Variants in FHIT observed in about 807,000 individuals in gnomAD.
The protein encoded by FHIT is fragile histidine triad diadenosine triphosphatase, also known as bis(5'-adenosyl)-triphosphatase.
A neutral mutation model predicts 17.9 loss-of-function variants in FHIT; 19 were observed. The observed-to-expected ratio is 1.06, with a 90% confidence interval of 0.74 to 1.56. FHIT has a LOEUF of 1.56. Ranked by LOEUF, FHIT falls within the 40% of genes most tolerant of loss-of-function variation. The pLI is 0.00. For synonymous variants in FHIT, 81 were observed against 69.7 expected, an observed-to-expected ratio of 1.16 and a Z score of -0.81; for missense variants, 248 against 189.2, an observed-to-expected ratio of 1.31 and a Z score of -1.82.
At chr3:59,904,280 A>T (rs1198463075) in intron 8 of FHIT, among the ~76,000 whole-genome samples, 5 of 151,486 alleles carry the variant, frequency 3.3e-5, no homozygotes, top group Non-Finnish European at 7.4e-5. Flanking sequence ...AATTAAGCAC[A>T]AACTTGTGCC....
intron 3 of FHIT, among the ~76,000 whole-genome samples, chr3:60,926,230 C>A (rs1489674669): frequency 9.2e-5 from 14 of 152,214 alleles, no homozygotes; most frequent in African/African-American, 3.4e-4. Context: ...CAGAACTCTC[C>A]ACCCCAAATC....
chr3:60,782,790 C>A (rs907801377), intron 4 of FHIT, among the ~76,000 whole-genome samples: 5 of 152,138 alleles, frequency 3.3e-5, no homozygotes, highest in African/African-American at 9.7e-5. Flanking sequence ...TGAAGTCTTG[C>A]TCTCTGCTTC....
chr3:61,184,075 G>A (rs2038428786), intron 2 of FHIT, among the ~76,000 whole-genome samples: 1 of 152,056 alleles, frequency 6.6e-6, no homozygotes, highest in Non-Finnish European at 1.5e-5. Context: ...CACAGGAAGA[G>A]AAATCTGGGA....
chr3:60,019,953 A>G (rs1700492624), intron 5 of FHIT, among the ~76,000 whole-genome samples: 1 of 152,152 alleles, frequency 6.6e-6, no homozygotes, highest in Admixed American at 6.5e-5. Flanking sequence ...TCGACCACAG[A>G]ATTCTCTCCT....
intron 5 of FHIT, among the ~76,000 whole-genome samples, chr3:60,090,703 T>C (rs1006130773): frequency 1.3e-4 from 20 of 152,116 alleles, no homozygotes; most frequent in African/African-American, 3.6e-4. Flanking sequence ...GACATGAGTG[T>C]CTTTGATGGG....
intron 3 of FHIT, among the ~76,000 whole-genome samples, chr3:60,933,675 A>C (rs1708065414): frequency 1.3e-5 from 2 of 152,152 alleles, no homozygotes; most frequent in Admixed American, 6.5e-5. Flanking sequence ...AATTAGAAAA[A>C]CAAATTATTT....
At chr3:61,073,253 G>C (rs1246057495) in intron 2 of FHIT, among the ~76,000 whole-genome samples, 2 of 152,182 alleles carry the variant, frequency 1.3e-5, no homozygotes, top group African/African-American at 4.8e-5. Context: ...CTACTTGTAT[G>C]CATGGACTAC....
chr3:60,319,482 T>C (rs1284438764), intron 5 of FHIT, among the ~76,000 whole-genome samples: 1 of 150,078 alleles, frequency 6.7e-6, no homozygotes, highest in Non-Finnish European at 1.5e-5. Flanking sequence ...GAGTAGATGA[T>C]GGAACGGTAT....
At chr3:60,473,752 C>A (rs2033205358) in intron 5 of FHIT, among the ~76,000 whole-genome samples, 1 of 152,024 alleles carries the variant, frequency 6.6e-6, no homozygotes, top group South Asian at 2.1e-4. Flanking sequence ...AACCCCGTCT[C>A]TACTAAAATA....
chr3:60,546,124 G>A (rs2036351223), intron 4 of FHIT, among the ~76,000 whole-genome samples: 1 of 151,618 alleles, frequency 6.6e-6, no homozygotes, highest in Non-Finnish European at 1.5e-5. Flanking sequence ...AAATACTATA[G>A]CATCTTGTTT....
chr3:60,584,358 A>C (rs2037841184), intron 4 of FHIT, among the ~76,000 whole-genome samples: 1 of 151,988 alleles, frequency 6.6e-6, no homozygotes, highest in Admixed American at 6.6e-5. Context: ...ACCCCTTTCC[A>C]ACAGACAAAC....
Position 60,371,035 on chromosome 3 carries a change from C to T in FHIT, c.103+165825G>A, listed in dbSNP as rs193122555. Among the ~76,000 whole-genome samples, 182 of 152,316 alleles carry T rather than the reference C, an allele frequency of 1.2e-3. 5 individuals carry two copies. The highest frequency in any genetic ancestry group is 0.01 in the Middle Eastern group (3 of 294). The stretch of plus-strand genomic sequence containing the variant: ...ATGGTTTCAGAACCTAAGCCGTTTG[C>T]ACAAGGCAAACCATCCACATGCTCA... On this transcript the variant is annotated intron_variant, in intron 5 of 9. Coordinates refer to ENST00000492590, the MANE Select transcript of FHIT (RefSeq NM_002012.4).
chr3:61,170,571 G>C (rs1487963806), intron 2 of FHIT, among the ~76,000 whole-genome samples: 1 of 152,014 alleles, frequency 6.6e-6, no homozygotes, highest in East Asian at 1.9e-4. Flanking sequence ...TCCCCTCTAT[G>C]TGTCCATGTG....
At chr3:60,357,635 T>C (rs2106977286) in intron 5 of FHIT, among the ~76,000 whole-genome samples, 1 of 152,304 alleles carries the variant, frequency 6.6e-6, no homozygotes, top group East Asian at 1.9e-4. Flanking sequence ...ACATCAACCC[T>C]AACTCAAAGC....
intron 5 of FHIT, among the ~76,000 whole-genome samples, chr3:60,030,896 A>G (rs1167521763): frequency 6.6e-6 from 1 of 152,254 alleles, no homozygotes; most frequent in Non-Finnish European, 1.5e-5. Flanking sequence ...TAGAGAGTAG[A>G]AAAAATAACT....
At chr3:61,147,305 T>C (rs1489309784) in intron 2 of FHIT, among the ~76,000 whole-genome samples, 2 of 152,076 alleles carry the variant, frequency 1.3e-5, no homozygotes, top group Non-Finnish European at 2.9e-5. Flanking sequence ...TTAGGCGAGA[T>C]AATAACTATA....
intron 2 of FHIT, among the ~76,000 whole-genome samples, chr3:61,159,406 A>G (rs2037624839): frequency 6.6e-6 from 1 of 152,156 alleles, no homozygotes; most frequent in South Asian, 2.1e-4. Flanking sequence ...TTCAACCCCC[A>G]CCCACACCTC....
intron 5 of FHIT, among the ~76,000 whole-genome samples, chr3:60,284,581 AC>A (rs1400450274): frequency 6.6e-6 from 1 of 152,098 alleles, no homozygotes; most frequent in Non-Finnish European, 1.5e-5. Flanking sequence ...AAAGAGCTAC[AC>A]TTTTTTAATT....
rs147980968 is a variant in FHIT, at chr3:60,208,690, T to C, written c.104-194538A>G. The stretch of plus-strand genomic sequence containing the variant: ...TTTCTACAAAAGCTTGGTTTCTCAA[T>C]AGTATAATTCTGTGTTTGCAGACTA... On this transcript the variant is annotated intron_variant, in intron 5 of 9. Transcript: ENST00000492590. 1.6e-4 allele frequency among the ~76,000 whole-genome samples: 24 copies of C among 152,338 alleles called. 1 individual carries two copies. The highest frequency in any genetic ancestry group is 7.2e-4 in the Admixed American group (11 of 15,304).
Sources: allele counts gnomAD v4.1 joint callset (sites outside exome capture counted in the v4.1 genomes callset), GRCh38; gene constraint gnomAD v4.1.1; transcripts MANE v1.5; gene names NCBI Gene and HGNC (gene_info 2026-07-23, HGNC 2026-07-21).